Variants in PACS1 observed in about 807,000 individuals in gnomAD.
The protein encoded by PACS1 is phosphofurin acidic cluster sorting protein 1.
A neutral mutation model predicts 115.0 loss-of-function variants in PACS1; 24 were observed. The observed-to-expected ratio is 0.21, with a 90% CI of 0.15 to 0.29. PACS1 has a LOEUF of 0.29. Among genes scored for constraint, PACS1 ranks in the 10% least tolerant of loss-of-function variants. The pLI, the probability that PACS1 is intolerant of heterozygous loss-of-function variation, is 1.00. For synonymous variants in PACS1, 453 were observed against 504.5 expected (o/e 0.90, Z 1.37); for missense variants, 838 against 1,251.2 (o/e 0.67, Z 4.98).
At chr11:66,105,857 A>G (rs1250972612) in intron 1 of PACS1, among the ~76,000 whole-genome samples, 1 of 152,182 alleles carries the variant, frequency 6.6e-6, no homozygotes, top group African/African-American at 2.4e-5. Context: ...GAGTATGCCT[A>G]TAAGCATCCT....
chr11:66,225,720 G>A (rs187775589), intron 10 of PACS1, among the ~76,000 whole-genome samples: 2 of 152,290 alleles, frequency 1.3e-5, no homozygotes, highest in East Asian at 1.9e-4. Flanking sequence ...AACAAGGCGT[G>A]CTACTTCAAA....
intron 19 of PACS1, 62 bp from the exon 20 acceptor site, chr11:66,238,742 T>C: frequency 7.0e-7 from 1 of 1,424,938 alleles, no homozygotes; most frequent in Non-Finnish European, 9.7e-7. Context: ...GTGTTTCTGG[T>C]TGGATCAGAA....
chr11:66,131,730 C>G (rs1261501652), intron 1 of PACS1, among the ~76,000 whole-genome samples: 1 of 151,838 alleles, frequency 6.6e-6, no homozygotes, highest in Non-Finnish European at 1.5e-5. Context: ...GAGTTCGAGA[C>G]CAGCCTGGGC....
intron 9 of PACS1, 85 bp from the exon 10 acceptor site, chr11:66,221,069 C>A: frequency 7.6e-7 from 1 of 1,320,246 alleles, no homozygotes; most frequent in Non-Finnish European, 1.1e-6. Context: ...TGTTGACCCA[C>A]CCTGAATGCC....
intron 4 of PACS1, among the ~76,000 whole-genome samples, chr11:66,213,677 A>C (rs1341623640): frequency 6.6e-6 from 1 of 152,178 alleles, no homozygotes; most frequent in South Asian, 2.1e-4. Flanking sequence ...TTCAGTTCCA[A>C]CCCAATGCCT....
At chr11:66,118,769 C>CAAAAAAA (rs397945291) in intron 1 of PACS1, among the ~76,000 whole-genome samples, 15 of 83,590 alleles carry the variant, frequency 1.8e-4, no homozygotes, top group East Asian at 3.4e-4. Context: ...CCCATGTCTA[C>CAAAAAAA]AAAAAAAAAA....
intron 2 of PACS1, among the ~76,000 whole-genome samples, chr11:66,205,604 C>T (rs1468849943): frequency 6.7e-6 from 1 of 150,150 alleles, no homozygotes; most frequent in Non-Finnish European, 1.5e-5. Flanking sequence ...AGCTTATTTT[C>T]AGACATCCAA....
In PACS1 at chr11:66,235,193, A is replaced by G; in HGVS notation, c.2105-108A>G. ...GACCGTAGAGCCCCATCCTTCACTC[A>G]ACTCCTAGAGTCTGACGGGTCTCAG... On this transcript the variant is annotated intron_variant, in intron 17 of 23. Coordinates refer to ENST00000320580, the MANE Select transcript of PACS1 (RefSeq NM_018026.4). The surrounding 1 kb of genome is among the most constrained non-coding windows in gnomAD (Gnocchi z 5.6). The G allele has an allele frequency of 1.3e-6, 1 of 752,102 alleles. No homozygotes were observed. Among genetic ancestry groups the G allele is most frequent in the Non-Finnish European group, 2.3e-6 (1 of 431,900 alleles). 46.6% of individuals were successfully genotyped at this position (752,102 alleles called of 1,614,324 possible).
chr11:66,134,248 C>CTTTTTCTTTT, intron 1 of PACS1, among the ~76,000 whole-genome samples: 1 of 86,576 alleles, frequency 1.2e-5, no homozygotes, highest in African/African-American at 3.7e-5. Context: ...TTTTCTTTTT[C>CTTTTTCTTTT]TTTTTCTTTT....
rs1855059126 is a variant in PACS1 at position 66,211,023 on chromosome 11, C to G, written c.535-111C>G. The G allele has an allele frequency of 3.1e-6, 4 of 1,278,816 alleles. No individual in the cohort carries two copies. In the South Asian group the frequency reaches 5.2e-5, roughly 17 times the overall value. 79.2% of individuals were successfully genotyped at this position (1,278,816 alleles called of 1,614,324 possible). A position where few individuals can be genotyped will look rare whatever the true frequency, so the allele number is the denominator to read the frequency against. On this transcript the variant is annotated intron_variant, in intron 3 of 23. Coordinates refer to ENST00000320580, the MANE Select transcript of PACS1 (RefSeq NM_018026.4). ...GGCTCTCCTTTCAACCCTGACTGCC[C>G]CCTTTTAGAGACAGGAAGAATTGAA...
chr11:66,169,380 A>G (rs1281609199), intron 1 of PACS1, among the ~76,000 whole-genome samples: 1 of 148,658 alleles, frequency 6.7e-6, no homozygotes, highest in Non-Finnish European at 1.5e-5. Flanking sequence ...TTCCTGAAAT[A>G]AATCTAAATC....
rs1855691240 is a variant in PACS1, at chr11:66,235,693, G to A, written c.2208-205G>A. 6.6e-6 allele frequency among the ~76,000 whole-genome samples: 1 copy of A among 152,140 alleles called. No homozygotes were observed. The highest frequency in any genetic ancestry group is 6.5e-5 in the Admixed American group (1 of 15,280). On this transcript the variant is annotated intron_variant, in intron 18 of 23. Transcript: ENST00000320580. The surrounding 1 kb of genome is among the most constrained non-coding windows in gnomAD (Gnocchi z 5.6). Reference sequence around the variant, plus strand: ...GGGAAGCAGGGAGCGTAGCTTGCATGATCAGGTCATTTGCCCTCATTTTGT... The same window carrying A: ...GGGAAGCAGGGAGCGTAGCTTGCATAATCAGGTCATTTGCCCTCATTTTGT...
In PACS1 at chr11:66,233,510, C is replaced by A. The variant is rs1329828282; in HGVS notation, c.1839-275C>A. On this transcript the variant is annotated intron_variant, in intron 15 of 23. Coordinates refer to ENST00000320580, the MANE Select transcript of PACS1 (RefSeq NM_018026.4). The surrounding 1 kb of genome is among the most constrained non-coding windows in gnomAD (Gnocchi z 4.5). ...ACTATGGATTCCAGGCCTGGGGGCA[C>A]ACACCCTGCGGGCATCCCAGGCACA... Among the ~76,000 whole-genome samples the A allele has an allele frequency of 6.6e-6, 1 of 152,244 alleles. No individual in the cohort carries two copies.
chr11:66,210,834 C>T (rs1261668221), intron 3 of PACS1, among the ~76,000 whole-genome samples: 1 of 152,226 alleles, frequency 6.6e-6, no homozygotes, highest in Non-Finnish European at 1.5e-5. Flanking sequence ...CGGTGTCCCT[C>T]TCATCGTAAT....
chr11:66,206,877 C>T (rs1854953302), intron 2 of PACS1, among the ~76,000 whole-genome samples: 1 of 152,182 alleles, frequency 6.6e-6, no homozygotes, highest in Non-Finnish European at 1.5e-5. Flanking sequence ...TGAATATATG[C>T]TCTGAGCTGA....
chr11:66,083,722 C>G (rs763383879), intron 1 of PACS1, among the ~76,000 whole-genome samples: 1 of 152,130 alleles, frequency 6.6e-6, no homozygotes, highest in African/African-American at 2.4e-5. Flanking sequence ...CTGTTTAGGA[C>G]TGTGGCTCTG....
chr11:66,226,840 G>A (rs914455525), intron 10 of PACS1, among the ~76,000 whole-genome samples: 1 of 152,218 alleles, frequency 6.6e-6, no homozygotes, highest in Admixed American at 6.5e-5. Flanking sequence ...GTGACTTTGA[G>A]TTGCTGTCTG....
chr11:66,141,282 T>C (rs1858977054), intron 1 of PACS1, among the ~76,000 whole-genome samples: 1 of 152,210 alleles, frequency 6.6e-6, no homozygotes, highest in Non-Finnish European at 1.5e-5. Context: ...TAAATATATT[T>C]ATATGCATTT....
chr11:66,075,489 G>A (rs575798427), intron 1 of PACS1, among the ~76,000 whole-genome samples: 7 of 152,206 alleles, frequency 4.6e-5, no homozygotes, highest in South Asian at 4.1e-4. Context: ...TGATCCTCCC[G>A]CCTCAGTCTC....
Sources: allele counts gnomAD v4.1 joint callset (sites outside exome capture counted in the v4.1 genomes callset), GRCh38; gene constraint gnomAD v4.1.1; non-coding constraint Gnocchi (gnomAD v3.1); transcripts MANE v1.5; gene names NCBI Gene and HGNC (gene_info 2026-07-23, HGNC 2026-07-21).